Variants in MALRD1 observed in about 807,000 individuals in gnomAD.
MALRD1 encodes MAM and LDL-receptor class A domain-containing protein 1.
In MALRD1, 247 loss-of-function variants were observed where a neutral mutation model predicts 242.1. That is an observed-to-expected ratio of 1.02 (90% CI 0.92 to 1.13). MALRD1 has a LOEUF of 1.13. MALRD1 is among the 50% of genes most tolerant of loss of function. The probability of loss-of-function intolerance (pLI) is 0.00; values close to 1 mark genes in which losing one functional copy is unlikely to be tolerated. For missense variants in MALRD1, 2,989 were observed against 2,533.1 expected, an observed-to-expected ratio of 1.18 and a Z score of -3.86; for synonymous variants, 995 against 866.6, an observed-to-expected ratio of 1.15 and a Z score of -2.60.
chr10:19,072,990 C>T (rs868619549), intron 2 of MALRD1, among the ~76,000 whole-genome samples: 1 of 151,894 alleles, frequency 6.6e-6, no homozygotes, highest in African/African-American at 2.4e-5. Flanking sequence ...TCTCATCTTA[C>T]TGCAACCTCC....
At chr10:19,460,536 T>C (rs925236536) in intron 29 of MALRD1, among the ~76,000 whole-genome samples, 1 of 151,422 alleles carries the variant, frequency 6.6e-6, no homozygotes, top group Non-Finnish European at 1.5e-5. Context: ...TTTGGAAAAA[T>C]AGTATTGGAG....
intron 15 of MALRD1, 34 bp from the exon 16 acceptor site, chr10:19,204,274 A>G: frequency 1.6e-6 from 2 of 1,229,442 alleles, no homozygotes; most frequent in Non-Finnish European, 2.2e-6. Context: ...CAATAGGTTA[A>G]TGAAGCGTTT....
At chr10:19,057,421 C>A (rs776439832) in intron 1 of MALRD1, among the ~76,000 whole-genome samples, 3 of 152,094 alleles carry the variant, frequency 2.0e-5, no homozygotes, top group Non-Finnish European at 4.4e-5. Flanking sequence ...CTTGAGAGGG[C>A]AGTCATCCAG....
At chr10:19,422,442 A>G (rs1357145250) in intron 28 of MALRD1, among the ~76,000 whole-genome samples, 1 of 152,226 alleles carries the variant, frequency 6.6e-6, no homozygotes, top group Non-Finnish European at 1.5e-5. Flanking sequence ...TGCATCAGTC[A>G]TGGTATAAAA....
chr10:19,312,754 TTTTAGATGACATTAGATGAAA>T (rs991478100), intron 21 of MALRD1, among the ~76,000 whole-genome samples: 1 of 151,408 alleles, frequency 6.6e-6, no homozygotes, highest in Non-Finnish European at 1.5e-5. Context: ...TGTATGCTGA[TTTTAGATGACATTAGATGAAA>T]TTTAGATGAC....
At chr10:19,622,113 A>T (rs1403021634) in intron 36 of MALRD1, among the ~76,000 whole-genome samples, 1 of 151,804 alleles carries the variant, frequency 6.6e-6, no homozygotes, top group African/African-American at 2.4e-5. Flanking sequence ...AAACAAAGCA[A>T]GTATAACCAC....
At chr10:19,066,152 G>T (rs1164024500) in intron 1 of MALRD1, among the ~76,000 whole-genome samples, 1 of 152,068 alleles carries the variant, frequency 6.6e-6, no homozygotes, top group East Asian at 1.9e-4. Context: ...CTCAGACAAT[G>T]TAAATATTAA....
chr10:19,728,459 G>A (rs1471133657), intron 38 of MALRD1: 2 of 152,098 alleles, frequency 1.3e-5, no homozygotes, highest in Non-Finnish European at 2.9e-5. Flanking sequence ...AGCAGTTTAA[G>A]ACCAAAAATA....
chr10:19,454,404 T>TTATATATATATATATATATATATA (rs1564356457), intron 29 of MALRD1, among the ~76,000 whole-genome samples: 1 of 30,404 alleles, frequency 3.3e-5, no homozygotes, highest in Admixed American at 2.4e-4. Context: ...ATTATGCATA[T>TTATATATATATATATATATATATA]GATATATATA....
rs182676831 is a variant in MALRD1 at position 19,514,195 on chromosome 10, T to C, written c.5320+15549T>C. 3.8e-3 allele frequency among the ~76,000 whole-genome samples: 577 copies of C among 152,324 alleles called. 3 individuals are homozygous for C. The highest frequency in any genetic ancestry group is 0.013 in the African/African-American group (553 of 41,568). ...GCAACTGGCAAGAAAATTTTGTTTT[T>C]GCAACATAAAATAATTTAAGGTAAT... On this transcript the variant is annotated intron_variant, in intron 31 of 39. Transcript: ENST00000454679.
intron 31 of MALRD1, among the ~76,000 whole-genome samples, chr10:19,504,880 C>T (rs1209698578): frequency 6.6e-6 from 1 of 151,000 alleles, no homozygotes; most frequent in Non-Finnish European, 1.5e-5. Context: ...GACGGGGTTT[C>T]ACCTTGTTAG....
At chr10:19,558,001 T>A (rs550513500) in intron 32 of MALRD1, among the ~76,000 whole-genome samples, 2 of 152,080 alleles carry the variant, frequency 1.3e-5, no homozygotes, top group South Asian at 2.1e-4. Context: ...ATATATTTCT[T>A]TTTTGGTGCT....
intron 31 of MALRD1, among the ~76,000 whole-genome samples, chr10:19,511,068 T>C (rs3852466): frequency 0.096 from 14,689 of 152,224 alleles, 724 homozygotes; most frequent in South Asian, 0.11. Flanking sequence ...GTCAGCTATA[T>C]CAGTTAGTAT....
At chr10:19,508,207 GTGGA>G (rs368897695) in intron 31 of MALRD1, among the ~76,000 whole-genome samples, 2 of 152,124 alleles carry the variant, frequency 1.3e-5, no homozygotes, top group African/African-American at 4.8e-5. Flanking sequence ...TCAAAGAGTT[GTGGA>G]TGGATGGATG....
chr10:19,063,682 A>G (rs1461842121), intron 1 of MALRD1, among the ~76,000 whole-genome samples: 2 of 151,846 alleles, frequency 1.3e-5, no homozygotes, highest in African/African-American at 2.4e-5. Flanking sequence ...AATCCAGTCT[A>G]TCATTGTTGG....
chr10:19,260,569 T>C (rs1356760878), intron 19 of MALRD1, among the ~76,000 whole-genome samples: 1 of 151,886 alleles, frequency 6.6e-6, no homozygotes, highest in Non-Finnish European at 1.5e-5. Flanking sequence ...TCAGCAGGGG[T>C]AGGGGAGATA....
chr10:19,376,276 A>T (rs971019310), intron 26 of MALRD1, among the ~76,000 whole-genome samples: 1 of 152,068 alleles, frequency 6.6e-6, no homozygotes, highest in Non-Finnish European at 1.5e-5. Flanking sequence ...TTCTACCTTT[A>T]TTTAATCTGG....
At chr10:19,224,650 T>C (rs1837709539) in intron 18 of MALRD1, among the ~76,000 whole-genome samples, 2 of 152,180 alleles carry the variant, frequency 1.3e-5, no homozygotes, top group Admixed American at 1.3e-4. Flanking sequence ...TTGAGAAGTG[T>C]CTGTTCATAT....
intron 24 of MALRD1, among the ~76,000 whole-genome samples, chr10:19,341,449 T>C: frequency 7.8e-6 from 1 of 128,786 alleles, no homozygotes; most frequent in East Asian, 2.2e-4. Flanking sequence ...TATATATATA[T>C]ATGTGTATAT....
Sources: gnomAD v4.1 joint callset for allele counts (sites outside exome capture counted in the v4.1 genomes callset) on GRCh38, gnomAD v4.1.1 for gene constraint, MANE v1.5 for transcripts, NCBI Gene and HGNC (gene_info 2026-07-23, HGNC 2026-07-21) for gene names.